Variants in CSMD1 observed in about 807,000 individuals in gnomAD.
The protein encoded by CSMD1 is CUB and sushi domain-containing protein 1.
In CSMD1, 213 loss-of-function variants were observed where a neutral mutation model predicts 417.5. The ratio of observed to expected loss-of-function variants is 0.51; its 90% CI spans 0.46 to 0.57. The LOEUF (loss-of-function observed/expected upper bound fraction) is 0.57. Ranked by LOEUF, CSMD1 falls within the 20% of genes least tolerant of loss-of-function variation. CSMD1 has a pLI of 0.00. For synonymous variants in CSMD1, 2,862 were observed against 1,736.8 expected, an observed-to-expected ratio of 1.65 and a Z score of -16.11; for missense variants, 6,923 against 4,529.7, an observed-to-expected ratio of 1.53 and a Z score of -15.17.
At chr8:4,454,461 T>G (rs188931917) in intron 2 of CSMD1, among the ~76,000 whole-genome samples, 12 of 152,352 alleles carry the variant, frequency 7.9e-5, no homozygotes, top group African/African-American at 2.9e-4. Flanking sequence ...CGTTTGAGTA[T>G]AAACTCTTCA....
chr8:4,846,427 G>A (rs1044422444), intron 1 of CSMD1, among the ~76,000 whole-genome samples: 1 of 152,192 alleles, frequency 6.6e-6, no homozygotes, highest in African/African-American at 2.4e-5. Flanking sequence ...CCCCAGCCAG[G>A]CTTGTCCTTG....
At chr8:3,044,719 T>C (rs1435205787) in intron 50 of CSMD1, among the ~76,000 whole-genome samples, 2 of 152,216 alleles carry the variant, frequency 1.3e-5, no homozygotes, top group Non-Finnish European at 2.9e-5. Flanking sequence ...TTCCTTATTA[T>C]AACCTTCATT....
intron 3 of CSMD1, among the ~76,000 whole-genome samples, chr8:4,126,621 T>A (rs1802780536): frequency 6.6e-6 from 1 of 152,168 alleles, no homozygotes; most frequent in Admixed American, 6.5e-5. Flanking sequence ...ACTGCACATG[T>A]CCTTGAGGCT....
At chr8:3,319,274 T>C (rs1370165810) in intron 23 of CSMD1, among the ~76,000 whole-genome samples, 1 of 152,236 alleles carries the variant, frequency 6.6e-6, no homozygotes, top group Non-Finnish European at 1.5e-5. Flanking sequence ...GATTAACTAG[T>C]GTTGGTTCTT....
chr8:4,829,428 A>T (rs115987666), intron 1 of CSMD1, among the ~76,000 whole-genome samples: 3 of 152,276 alleles, frequency 2.0e-5, no homozygotes, highest in Admixed American at 1.3e-4. Flanking sequence ...ACTGCTGAAC[A>T]TCTCAACTCA....
At chr8:4,567,901 G>C (rs867528729) in intron 2 of CSMD1, among the ~76,000 whole-genome samples, 2 of 152,110 alleles carry the variant, frequency 1.3e-5, no homozygotes, top group South Asian at 2.1e-4. Flanking sequence ...TTTTTAATGA[G>C]TTCACTTAAT....
chr8:3,657,868 C>G lies in CSMD1; in HGVS notation c.1010-41071G>C, dbSNP rs115108161. On this transcript the variant is annotated intron_variant, in intron 7 of 69. Transcript: ENST00000635120. ...ATAATAATAAAAGAGAAACTATAAACAAAAATCCTCTTGAAACTTACCCTG... is the reference window on the plus strand; with the variant it reads ...ATAATAATAAAAGAGAAACTATAAAGAAAAATCCTCTTGAAACTTACCCTG... 4.6e-3 allele frequency among the ~76,000 whole-genome samples: 696 copies of G among 152,224 alleles called. 3 individuals are homozygous for G. Among genetic ancestry groups the G allele is most frequent in the African/African-American group, 0.016 (656 of 41,534 alleles).
chr8:2,957,547 T>A (rs757874528), intron 63 of CSMD1, 149 bp downstream of exon 63: 12 of 587,314 alleles, frequency 2.0e-5, no homozygotes, highest in African/African-American at 3.7e-5. Flanking sequence ...ATGCTGCCAG[T>A]TCTAGGGAAC....
intron 23 of CSMD1, among the ~76,000 whole-genome samples, chr8:3,337,188 C>G (rs1031126839): frequency 3.9e-5 from 6 of 152,172 alleles, no homozygotes; most frequent in East Asian, 1.9e-4. Context: ...ACGACTCGCC[C>G]TATCCCCATC....
intron 12 of CSMD1, among the ~76,000 whole-genome samples, chr8:3,439,689 T>G (rs1485187960): frequency 6.6e-6 from 1 of 152,170 alleles, no homozygotes; most frequent in Non-Finnish European, 1.5e-5. Flanking sequence ...ATAATTCCAA[T>G]TGATGAATTA....
chr8:3,047,879 T>C (rs1379666430), intron 50 of CSMD1, among the ~76,000 whole-genome samples: 2 of 152,182 alleles, frequency 1.3e-5, no homozygotes, highest in Non-Finnish European at 2.9e-5. Flanking sequence ...ATATGGCTCA[T>C]AGGGACATAA....
At chr8:3,337,131 G>C (rs1050103578) in intron 23 of CSMD1, among the ~76,000 whole-genome samples, 5 of 152,038 alleles carry the variant, frequency 3.3e-5, no homozygotes, top group African/African-American at 1.2e-4. Flanking sequence ...ATGACAAGAA[G>C]AAGACTGAAA....
intron 2 of CSMD1, among the ~76,000 whole-genome samples, chr8:4,591,191 T>C (rs989914671): frequency 5.9e-5 from 9 of 152,202 alleles, no homozygotes; most frequent in East Asian, 1.9e-4. Context: ...TTATTAGGTA[T>C]TGGCTGAGTA....
Position 3,889,522 on chromosome 8 carries a change from C to CAT in CSMD1, c.818+108379_818+108380dup, listed in dbSNP as rs533354912. On this transcript the variant is annotated intron_variant, in intron 5 of 69. Coordinates refer to ENST00000635120, the MANE Select transcript of CSMD1 (RefSeq NM_033225.6). ...TATGCTCATTAGGTCATGATATATA[C>CAT]ATATATATACATACACACATATGTG... is the stretch of plus-strand genomic sequence containing the variant. Among the ~76,000 whole-genome samples the CAT allele has an allele frequency of 2.6e-3, 192 of 74,696 alleles. 5 individuals are homozygous for CAT. Among genetic ancestry groups the CAT allele is most frequent in the African/African-American group, 8.1e-3 (180 of 22,318 alleles). 49.0% of individuals were successfully genotyped at this position (74,696 alleles called of 152,430 possible).
At chr8:4,005,132 TG>T (rs1010032255) in intron 4 of CSMD1, among the ~76,000 whole-genome samples, 6 of 151,976 alleles carry the variant, frequency 3.9e-5, no homozygotes, top group African/African-American at 1.4e-4. Context: ...TTTGGAGATT[TG>T]GGGGGAAGAG....
intron 3 of CSMD1, among the ~76,000 whole-genome samples, chr8:4,141,170 G>A (rs541574742): frequency 6.6e-6 from 1 of 151,170 alleles, no homozygotes; most frequent in Non-Finnish European, 1.5e-5. Context: ...GTCTCTCACA[G>A]TTTCAAAAAA....
At chr8:4,370,995 C>T (rs1156918889) in intron 3 of CSMD1, among the ~76,000 whole-genome samples, 4 of 152,184 alleles carry the variant, frequency 2.6e-5, no homozygotes, top group Admixed American at 6.5e-5. Flanking sequence ...CAAGAAGACA[C>T]ACTGACCTTT....
chr8:4,381,796 T>C (rs1259327946), intron 3 of CSMD1, among the ~76,000 whole-genome samples: 1 of 152,196 alleles, frequency 6.6e-6, no homozygotes, highest in Non-Finnish European at 1.5e-5. Context: ...TTGACCTTTT[T>C]CTGCTGATGA....
intron 1 of CSMD1, among the ~76,000 whole-genome samples, chr8:4,736,030 G>C (rs866800018): frequency 1.3e-5 from 2 of 152,150 alleles, no homozygotes; most frequent in East Asian, 1.9e-4. Context: ...GAGACACTCA[G>C]GCTATTATGG....
Sources: gnomAD v4.1 joint callset for allele counts (sites outside exome capture counted in the v4.1 genomes callset) on GRCh38, gnomAD v4.1.1 for gene constraint, MANE v1.5 for transcripts, NCBI Gene and HGNC (gene_info 2026-07-23, HGNC 2026-07-21) for gene names.